CFAP47: variants seen among roughly 807,000 people sequenced by gnomAD.
The protein encoded by CFAP47 is cilia- and flagella-associated protein 47.
A neutral mutation model predicts 148.1 loss-of-function variants in CFAP47; 29 were observed. The ratio of observed to expected loss-of-function variants is 0.20; its 90% confidence interval spans 0.15 to 0.27. The LOEUF (loss-of-function observed/expected upper bound fraction) is 0.27. CFAP47 is among the 10% of genes least tolerant of loss of function. The pLI is 1.00. For missense variants in CFAP47, 1,872 were observed against 1,697.5 expected, an observed-to-expected ratio of 1.10 and a Z score of -1.81; for synonymous variants, 664 against 577.3, an observed-to-expected ratio of 1.15 and a Z score of -2.15.
chrX:36,345,331 C>T (rs782202604), intron 57 of CFAP47, among the ~76,000 whole-genome samples: 1 of 111,113 alleles, frequency 9.0e-6, no homozygotes, highest in African/African-American at 3.3e-5. Context: ...GGTACAGGGT[C>T]GGGGGAGATT....
intron 21 of CFAP47, among the ~76,000 whole-genome samples, chrX:36,002,783 A>T (rs1426008342): frequency 8.9e-6 from 1 of 111,733 alleles, no homozygotes; most frequent in Non-Finnish European, 1.9e-5. Context: ...ATACACAATA[A>T]AATTGTATTG....
intron 8 of CFAP47, among the ~76,000 whole-genome samples, chrX:35,962,354 T>C (rs2146654856): frequency 9.0e-6 from 1 of 111,406 alleles, no homozygotes; most frequent in African/African-American, 3.2e-5. Context: ...GCTTATGATG[T>C]TTTTCAGTTC....
chrX:36,147,591 C>T (rs1349665080), intron 36 of CFAP47, among the ~76,000 whole-genome samples: 1 of 112,649 alleles, frequency 8.9e-6, no homozygotes, highest in East Asian at 2.8e-4. Flanking sequence ...TACCACACCA[C>T]AGTGGGGTAC....
At chrX:36,060,549 T>A (rs552693216) in intron 26 of CFAP47, among the ~76,000 whole-genome samples, 25 of 112,049 alleles carry the variant, frequency 2.2e-4, no homozygotes, top group African/African-American at 7.8e-4. Flanking sequence ...ACCTATAGAA[T>A]TGCTAAATGA....
intron 33 of CFAP47, among the ~76,000 whole-genome samples, chrX:36,114,886 T>C (rs1418276045): frequency 8.9e-6 from 1 of 111,964 alleles, no homozygotes; most frequent in Admixed American, 9.5e-5. Context: ...TGCATTAGGG[T>C]GCTAGTGGGT....
rs1555991865 is a variant in CFAP47 at position 36,228,616 on chromosome X, T to C, written c.6818-12T>C. On this transcript the variant is annotated splice_polypyrimidine_tract_variant and intron_variant, in intron 45 of 63. Coordinates refer to ENST00000378653, the MANE Select transcript of CFAP47 (RefSeq NM_001304548.2). ...TGATTTTAAATGAACTGTTTTAAAATTATTTTGATAGCTTCAGATGGATCT... is the reference window on the plus strand; with the variant it reads ...TGATTTTAAATGAACTGTTTTAAAACTATTTTGATAGCTTCAGATGGATCT... The C allele has an allele frequency of 5.8e-6, 3 of 517,431 alleles. No homozygotes were observed. Among genetic ancestry groups the C allele is most frequent in the East Asian group, 7.2e-5 (2 of 27,599 alleles). The allele number at this position is 517,431 out of a possible 1,213,427, so 42.6% of individuals were successfully genotyped here. A position where few individuals can be genotyped will look rare whatever the true frequency, so the allele number is the denominator to read the frequency against.
intron 46 of CFAP47, among the ~76,000 whole-genome samples, chrX:36,229,551 G>C (rs1219745934): frequency 1.8e-5 from 2 of 111,306 alleles, no homozygotes; most frequent in African/African-American, 6.5e-5. Flanking sequence ...ATGTGACATA[G>C]AAAGAACATG....
chrX:36,102,385 G>A (rs1045617489), intron 32 of CFAP47, among the ~76,000 whole-genome samples: 3 of 111,431 alleles, frequency 2.7e-5, no homozygotes, highest in African/African-American at 9.8e-5. Context: ...TGGACTTTGC[G>A]TACATTTTAA....
intron 26 of CFAP47, among the ~76,000 whole-genome samples, chrX:36,054,268 A>G (rs1937536801): frequency 8.9e-6 from 1 of 112,289 alleles, no homozygotes; most frequent in Non-Finnish European, 1.9e-5. Context: ...TGATTACTCA[A>G]TAAATTACCT....
At chrX:36,034,852 T>A (rs1937320211) in intron 23 of CFAP47, among the ~76,000 whole-genome samples, 2 of 111,302 alleles carry the variant, frequency 1.8e-5, no homozygotes, top group Non-Finnish European at 3.8e-5. Context: ...GTACTGTGTA[T>A]AAGAGTTGCT....
intron 33 of CFAP47, among the ~76,000 whole-genome samples, chrX:36,115,041 C>T (rs1938617183): frequency 9.0e-6 from 1 of 111,575 alleles, no homozygotes; most frequent in Admixed American, 9.5e-5. Flanking sequence ...TCTGGAATCT[C>T]TTTTCAGTGT....
intron 2 of CFAP47, among the ~76,000 whole-genome samples, chrX:35,939,629 A>AT (rs1370511749): frequency 2.5e-5 from 2 of 80,094 alleles, no homozygotes; most frequent in East Asian, 8.3e-4. Flanking sequence ...TGAACTCATC[A>AT]TTTTTTATGG....
chrX:36,033,698 T>C (rs1937307233), intron 23 of CFAP47, among the ~76,000 whole-genome samples: 1 of 111,758 alleles, frequency 8.9e-6, no homozygotes, highest in Non-Finnish European at 1.9e-5. Flanking sequence ...TTATCCTATA[T>C]GTTTTAAATC....
chrX:35,974,466 T>A (rs1173692293), intron 13 of CFAP47, among the ~76,000 whole-genome samples: 1 of 111,136 alleles, frequency 9.0e-6, no homozygotes, highest in African/African-American at 3.3e-5. Flanking sequence ...TTGATTGGGC[T>A]GATTCTCTCT....
chrX:36,219,009 C>G (rs1277076311), intron 45 of CFAP47, among the ~76,000 whole-genome samples: 1 of 110,989 alleles, frequency 9.0e-6, no homozygotes, highest in Non-Finnish European at 1.9e-5. Context: ...ATGAAGCCTC[C>G]GGATAGCAAG....
chrX:36,019,607 T>A (rs945848243), intron 22 of CFAP47, among the ~76,000 whole-genome samples: 1 of 111,637 alleles, frequency 9.0e-6, no homozygotes, highest in Non-Finnish European at 1.9e-5. Flanking sequence ...ACTATAACTA[T>A]CTTTAATATT....
At chrX:36,260,413 A>G (rs1940803763) in intron 49 of CFAP47, among the ~76,000 whole-genome samples, 2 of 112,051 alleles carry the variant, frequency 1.8e-5, no homozygotes, top group East Asian at 5.6e-4. Context: ...TTTAATAATA[A>G]CCATTCAGAT....
intron 26 of CFAP47, among the ~76,000 whole-genome samples, chrX:36,064,872 A>G (rs1368331083): frequency 1.8e-5 from 2 of 112,260 alleles, no homozygotes; most frequent in Admixed American, 9.5e-5. Context: ...GGTAAACATA[A>G]TAAGACAATT....
chrX:36,012,837 A>G (rs1424674041), intron 21 of CFAP47, among the ~76,000 whole-genome samples: 1 of 111,589 alleles, frequency 9.0e-6, no homozygotes, highest in Non-Finnish European at 1.9e-5. Flanking sequence ...AAAAAATTAA[A>G]TTAAGTTAAA....
Sources: gnomAD v4.1 joint callset for allele counts (sites outside exome capture counted in the v4.1 genomes callset) on GRCh38, gnomAD v4.1.1 for gene constraint, MANE v1.5 for transcripts, NCBI Gene and HGNC (gene_info 2026-07-23, HGNC 2026-07-21) for gene names.